CSMD3: variants seen among roughly 807,000 people sequenced by gnomAD.
The protein encoded by CSMD3 is CUB and sushi domain-containing protein 3.
In CSMD3, 177 loss-of-function variants were observed where a neutral mutation model predicts 435.2. That is an observed-to-expected ratio of 0.41 (90% confidence interval 0.36 to 0.46). CSMD3 has a LOEUF of 0.46. Among genes scored for constraint, CSMD3 ranks in the 20% least tolerant of loss-of-function variants. CSMD3 has a pLI of 0.34. For synonymous variants in CSMD3, 1,656 were observed against 1,520.5 expected, an observed-to-expected ratio of 1.09 and a Z score of -2.07; for missense variants, 4,265 against 4,504.6, an observed-to-expected ratio of 0.95 and a Z score of 1.52.
chr8:112,916,574 T>G (rs1295378652), intron 10 of CSMD3, among the ~76,000 whole-genome samples: 1 of 151,946 alleles, frequency 6.6e-6, no homozygotes, highest in Non-Finnish European at 1.5e-5. Context: ...ATCCTTATTA[T>G]GCATCATTTC....
intron 37 of CSMD3, among the ~76,000 whole-genome samples, chr8:112,382,245 C>A (rs1829527077): frequency 6.9e-6 from 1 of 144,836 alleles, no homozygotes; most frequent in Admixed American, 7.5e-5. Flanking sequence ...GATTGCACCA[C>A]TGCACCAAAG....
chr8:112,953,472 T>C (rs570090188), intron 8 of CSMD3, among the ~76,000 whole-genome samples: 3 of 151,454 alleles, frequency 2.0e-5, no homozygotes, highest in Non-Finnish European at 3.0e-5. Flanking sequence ...ATATTAATTA[T>C]ACAACCAAAC....
intron 4 of CSMD3, among the ~76,000 whole-genome samples, chr8:113,119,860 T>G (rs188696393): frequency 4.6e-5 from 7 of 152,254 alleles, no homozygotes; most frequent in African/African-American, 1.4e-4. Flanking sequence ...AATTATTGGT[T>G]TATGCATATA....
At chr8:113,138,070 A>G (rs543399470) in intron 4 of CSMD3, among the ~76,000 whole-genome samples, 20 of 151,596 alleles carry the variant, frequency 1.3e-4, no homozygotes, top group Admixed American at 3.3e-4. Flanking sequence ...TCCCTAATGT[A>G]ATTCCAAATT....
chr8:112,464,215 G>C (rs1817725844), intron 32 of CSMD3, among the ~76,000 whole-genome samples: 1 of 149,318 alleles, frequency 6.7e-6, no homozygotes, highest in Non-Finnish European at 1.5e-5. Context: ...TCCAGCCTGG[G>C]CGACAGAGCG....
chr8:113,239,296 T>C (rs1258350394), intron 3 of CSMD3, among the ~76,000 whole-genome samples: 1 of 152,076 alleles, frequency 6.6e-6, no homozygotes. Context: ...CAATTCCTTA[T>C]GTTATCTTTA....
At position 112,689,921 on chromosome 8, in the gene CSMD3, G is replaced by A. The variant is rs1326010934; in HGVS notation, c.2102C>T (p.Ser701Phe). 6.2e-7 allele frequency: 1 copy of A among 1,613,224 alleles called. No individual in the cohort carries two copies. The highest frequency in any genetic ancestry group is 8.5e-7 in the Non-Finnish European group (1 of 1,179,456). ...QFGFELIGEK[S>F]IVCQENNQWS... ...TTGGTTATTCTCTTGACAAACAATGGATTTCTCTCCAATTAATTCAAACCC... is the reference window on the plus strand; with the variant it reads ...TTGGTTATTCTCTTGACAAACAATGAATTTCTCTCCAATTAATTCAAACCC... The change falls in exon 14 of 71, where the codon TCC becomes TTC. Residue 701 changes from serine (S) to phenylalanine (F), a missense_variant. Ser to Phe is a radical substitution (Grantham distance 155). Around this residue, in one of 3 missense-constraint regions of CSMD3, gnomAD observed 279 missense variants for 369.0 expected, o/e 0.76. Transcript: ENST00000297405.
intron 7 of CSMD3, among the ~76,000 whole-genome samples, chr8:112,969,019 T>G (rs537953685): frequency 1.3e-5 from 2 of 152,112 alleles, no homozygotes; most frequent in East Asian, 3.9e-4. Context: ...ATTTTATGCA[T>G]AATAATATAG....
At chr8:113,377,191 TG>T in intron 1 of CSMD3, 2 of 1,164,662 alleles carry the variant, frequency 1.7e-6, no homozygotes, top group Non-Finnish European at 2.2e-6. Context: ...TCCGCTCCAA[TG>T]GCCGGAAGTT....
At chr8:113,025,105 A>G (rs1375224919) in intron 5 of CSMD3, among the ~76,000 whole-genome samples, 2 of 151,932 alleles carry the variant, frequency 1.3e-5, no homozygotes, top group East Asian at 3.9e-4. Flanking sequence ...CAGACTCTTC[A>G]TAAATTTCCT....
intron 3 of CSMD3, among the ~76,000 whole-genome samples, chr8:113,240,528 T>C (rs1588346077): frequency 6.6e-6 from 1 of 152,170 alleles, no homozygotes; most frequent in Non-Finnish European, 1.5e-5. Flanking sequence ...AGATTGGTTA[T>C]AGTGTAAACT....
At chr8:112,473,692 GC>G (rs1818747150) in intron 31 of CSMD3, among the ~76,000 whole-genome samples, 1 of 58,656 alleles carries the variant, frequency 1.7e-5, no homozygotes, top group African/African-American at 9.6e-5. Flanking sequence ...GAGTTTTTCT[GC>G]CCCAGGTGTA....
At chr8:113,012,825 A>G (rs901848339) in intron 6 of CSMD3, among the ~76,000 whole-genome samples, 3 of 152,012 alleles carry the variant, frequency 2.0e-5, no homozygotes, top group African/African-American at 7.2e-5. Flanking sequence ...AAATTGTCTG[A>G]ACCAAAAGTT....
intron 59 of CSMD3, among the ~76,000 whole-genome samples, chr8:112,278,261 GC>G (rs1299642416): frequency 8.5e-5 from 13 of 152,280 alleles, no homozygotes; most frequent in Non-Finnish European, 1.9e-4. Context: ...CTGCCACCTG[GC>G]TAGAGAGTGC....
chr8:113,363,781 A>C (rs1420306825), intron 1 of CSMD3, among the ~76,000 whole-genome samples: 2 of 152,132 alleles, frequency 1.3e-5, no homozygotes, highest in African/African-American at 4.8e-5. Context: ...TTTTCTTACA[A>C]GTTCACATTC....
intron 50 of CSMD3, among the ~76,000 whole-genome samples, chr8:112,309,421 C>A (rs1461936230): frequency 1.3e-5 from 2 of 151,442 alleles, no homozygotes; most frequent in African/African-American, 4.8e-5. Context: ...AAATTCAGAG[C>A]ATGTTAATGG....
intron 5 of CSMD3, among the ~76,000 whole-genome samples, chr8:113,069,551 G>C (rs569490393): frequency 1.3e-5 from 2 of 152,180 alleles, no homozygotes; most frequent in South Asian, 2.1e-4. Context: ...GACTTACAGT[G>C]GCCCTAATGA....
chr8:113,022,521 TAAC>T (rs1239481023), intron 5 of CSMD3, among the ~76,000 whole-genome samples: 2 of 151,710 alleles, frequency 1.3e-5, no homozygotes, highest in African/African-American at 4.8e-5. Context: ...AAATGACATA[TAAC>T]AACAATAACA....
At chr8:112,483,857 G>GAGAA (rs1819865088) in intron 31 of CSMD3, among the ~76,000 whole-genome samples, 1 of 152,148 alleles carries the variant, frequency 6.6e-6, no homozygotes, top group Non-Finnish European at 1.5e-5. Context: ...CACTCTCTAG[G>GAGAA]AGAAGTTCAT....
Sources: allele counts gnomAD v4.1 joint callset (sites outside exome capture counted in the v4.1 genomes callset), GRCh38; gene constraint gnomAD v4.1.1; regional missense constraint gnomAD v4.1.1; transcripts MANE v1.5; gene names NCBI Gene and HGNC (gene_info 2026-07-23, HGNC 2026-07-21).